PLEKHG3: variants seen among roughly 807,000 people sequenced by gnomAD.
PLEKHG3 encodes the protein pleckstrin homology and RhoGEF domain containing G3, also known as pleckstrin homology domain-containing family G member 3.
A neutral mutation model predicts 94.9 loss-of-function variants in PLEKHG3; 62 were observed. That is an observed-to-expected ratio of 0.65 (90% CI 0.53 to 0.81). The LOEUF (loss-of-function observed/expected upper bound fraction) is 0.81, where lower values mean the gene tolerates loss of function less well. PLEKHG3 is among the 30% of genes least tolerant of loss of function. PLEKHG3 has a pLI of 0.00. For synonymous variants in PLEKHG3, 614 were observed against 654.0 expected, an observed-to-expected ratio of 0.94 and a Z score of 0.93; for missense variants, 1,461 against 1,619.3, an observed-to-expected ratio of 0.90 and a Z score of 1.68.
intron 1 of PLEKHG3, among the ~76,000 whole-genome samples, chr14:64,713,278 G>C (rs12892852): frequency 0.069 from 10,451 of 152,176 alleles, 397 homozygotes; most frequent in Non-Finnish European, 0.085. Context: ...TATCTTGTCT[G>C]GTCCTGATGG....
chr14:64,722,569 G>C lies in PLEKHG3; in HGVS notation c.-39-5024G>C, dbSNP rs981627900. Among the ~76,000 whole-genome samples, 6 of 152,146 alleles carry C rather than the reference G, an allele frequency of 3.9e-5. No individual in the cohort carries two copies. The highest frequency in any genetic ancestry group is 1.4e-4 in the African/African-American group (6 of 41,420). On this transcript the variant is annotated intron_variant, in intron 1 of 16. Coordinates refer to ENST00000247226, the MANE Select transcript of PLEKHG3 (RefSeq NM_001308147.2). The surrounding 1 kb of genome is among the most constrained non-coding windows in gnomAD (Gnocchi z 4.3). ...TGCCGTGTGGATTCCTCCCCAGCTGGGGCCTTTGGAGCAGCTGCCCCATGG... is the reference window on the plus strand; with the variant it reads ...TGCCGTGTGGATTCCTCCCCAGCTGCGGCCTTTGGAGCAGCTGCCCCATGG...
chr14:64,749,441 GC>G lies in PLEKHG3; in HGVS notation c.*5739del. 6.2e-7 allele frequency: 1 copy of G among 1,603,224 alleles called. No individual in the cohort carries two copies. Among genetic ancestry groups the G allele is most frequent in the South Asian group, 1.1e-5 (1 of 90,994 alleles). On this transcript the variant is annotated 3_prime_UTR_variant, in exon 17 of 17. Transcript: ENST00000247226. This position sits in a 1 kb window ranked among gnomAD's most constrained non-coding sequence, Gnocchi z 4.7. ...TGCTCTGGGACTCGTTGATGGCGGT[GC>G]TCACGCCCTGCAGCCAGGACAGCAT...
In PLEKHG3 at chr14:64,716,496, A is replaced by ACCACACAC. The variant is rs1555359440; in HGVS notation, c.-39-11097_-39-11096insCCACACAC. On this transcript the variant is annotated intron_variant, in intron 1 of 16. Transcript: ENST00000247226. The surrounding 1 kb of genome is among the most constrained non-coding windows in gnomAD (Gnocchi z 5.0). ...ACACACACACAACACACACACACAC[A>ACCACACAC]ACACACACACACACACACACACACA... Among the ~76,000 whole-genome samples, 3 of 79,500 alleles carry ACCACACAC rather than the reference A, an allele frequency of 3.8e-5. No individual in the cohort carries two copies. Among genetic ancestry groups the ACCACACAC allele is most frequent in the Admixed American group, 1.3e-4 (1 of 7,780 alleles). 52.2% of individuals were successfully genotyped at this position (79,500 alleles called of 152,430 possible).
chr14:64,744,311 T>G lies in PLEKHG3; in HGVS notation c.*608T>G, dbSNP rs1387871612. 6.5e-6 allele frequency: 1 copy of G among 152,714 alleles called. No homozygotes were observed. Among genetic ancestry groups the G allele is most frequent in the African/African-American group, 2.4e-5 (1 of 41,446 alleles). 9.5% of individuals were successfully genotyped at this position (152,714 alleles called of 1,614,324 possible). A position where few individuals can be genotyped will look rare whatever the true frequency, so the allele number is the denominator to read the frequency against. On this transcript the variant is annotated 3_prime_UTR_variant, in exon 17 of 17. Transcript: ENST00000247226. ...GCTGATGTACACACATTTCATTATTTGCCAATGGTGCAATAACCACTGCTG... is the reference window on the plus strand; with the variant it reads ...GCTGATGTACACACATTTCATTATTGGCCAATGGTGCAATAACCACTGCTG...
chr14:64,736,638 G>A (rs1021442860), intron 12 of PLEKHG3, among the ~76,000 whole-genome samples: 3 of 152,202 alleles, frequency 2.0e-5, no homozygotes, highest in Non-Finnish European at 4.4e-5. Flanking sequence ...CACAGCGGGG[G>A]TCCTGGAGAT....
intron 1 of PLEKHG3, among the ~76,000 whole-genome samples, chr14:64,708,675 A>G (rs992251549): frequency 1.3e-5 from 2 of 152,058 alleles, no homozygotes; most frequent in African/African-American, 4.8e-5. Flanking sequence ...CGGGCCTACA[A>G]AGGGAGGGGT....
chr14:64,736,822 G>A (rs751530670), intron 12 of PLEKHG3, 31 bp from the exon 13 acceptor site: 33 of 1,589,466 alleles, frequency 2.1e-5, no homozygotes, highest in South Asian at 5.5e-5. Context: ...TTCCTGGCCC[G>A]CGCTGACTCT....
rs371986747 is a variant in PLEKHG3 at position 64,738,752 on chromosome 14, G to A, written c.1415G>A (p.Arg472His). 40 of 1,584,496 alleles carry A rather than the reference G, an allele frequency of 2.5e-5. No individual in the cohort carries two copies. The highest frequency in any genetic ancestry group is 9.4e-5 in the African/African-American group (7 of 74,226). The change falls in exon 15 of 17, where the codon CGC becomes CAC. Residue 472 changes from arginine to histidine, a missense_variant. Arg to His is a conservative substitution (Grantham distance 29). Transcript: ENST00000247226. The surrounding 1 kb of genome is among the most constrained non-coding windows in gnomAD (Gnocchi z 4.8). ...ARAAGMKGKGRRESESSRSSR... is the reference protein window; with the variant it reads ...ARAAGMKGKGHRESESSRSSR... Reference sequence around the variant, plus strand: ...CCTCTACCTCTGCAGGGAAAGGGGCGCAGGGAGTCTGAAAGCTCCAGGAGC... The same window carrying A: ...CCTCTACCTCTGCAGGGAAAGGGGCACAGGGAGTCTGAAAGCTCCAGGAGC...
intron 1 of PLEKHG3, among the ~76,000 whole-genome samples, chr14:64,714,981 A>C (rs773334601): frequency 1.3e-5 from 2 of 152,194 alleles, no homozygotes; most frequent in African/African-American, 2.4e-5. Flanking sequence ...TAGAACACTC[A>C]GAGAAAACAG....
intron 1 of PLEKHG3, among the ~76,000 whole-genome samples, chr14:64,711,831 G>A (rs546235055): frequency 2.0e-5 from 3 of 152,300 alleles, no homozygotes; most frequent in Admixed American, 2.0e-4. Flanking sequence ...AAACACAAAA[G>A]TTTAAAATTT....
chr14:64,749,612 C>T lies in PLEKHG3; in HGVS notation c.*5909C>T, dbSNP rs1270233957. 1.2e-6 allele frequency: 2 copies of T among 1,612,458 alleles called. No individual in the cohort carries two copies. Among genetic ancestry groups the T allele is most frequent in the Middle Eastern group, 1.7e-4 (1 of 6,060 alleles). ...CAAGCGGCCTGGGGTCCTCCACCTA[C>T]CCCCTTCTTAGCCAGGTCTGGGCTA... On this transcript the variant is annotated 3_prime_UTR_variant, in exon 17 of 17. Transcript: ENST00000247226. This position sits in a 1 kb window ranked among gnomAD's most constrained non-coding sequence, Gnocchi z 4.7.
chr14:64,720,191 T>C lies in PLEKHG3; in HGVS notation c.-39-7402T>C, dbSNP rs1400596748. The stretch of plus-strand genomic sequence containing the variant: ...GATCATCACAGCCCCTTTTCTAAAC[T>C]TGGCTACTTTCCCCTTCCTCCCAGT... On this transcript the variant is annotated intron_variant, in intron 1 of 16. Coordinates refer to ENST00000247226, the MANE Select transcript of PLEKHG3 (RefSeq NM_001308147.2). The surrounding 1 kb of genome is among the most constrained non-coding windows in gnomAD (Gnocchi z 4.1). Among the ~76,000 whole-genome samples the C allele has an allele frequency of 6.6e-6, 1 of 152,250 alleles. No homozygotes were observed. The highest frequency in any genetic ancestry group is 2.4e-5 in the African/African-American group (1 of 41,458).
At position 64,732,035 on chromosome 14, in the gene PLEKHG3, C is replaced by T. The variant is rs2081477171; in HGVS notation, c.1126-60C>T. On this transcript the variant is annotated intron_variant, in intron 9 of 16. Coordinates refer to ENST00000247226, the MANE Select transcript of PLEKHG3 (RefSeq NM_001308147.2). The surrounding 1 kb of genome is among the most constrained non-coding windows in gnomAD (Gnocchi z 4.9). ...TCCCTGGGTGGAAGCACTGTCCATG[C>T]TAGACAGCTTCAGGCCTGTAATGAT... The T allele has an allele frequency of 2.4e-6, 3 of 1,276,390 alleles. No individual in the cohort carries two copies. Among genetic ancestry groups the T allele is most frequent in the Non-Finnish European group, 1.1e-6 (1 of 872,390 alleles). The allele number at this position is 1,276,390 out of a possible 1,614,324, so 79.1% of individuals were successfully genotyped here.
chr14:64,705,688 A>G (rs1235486666), intron 1 of PLEKHG3, among the ~76,000 whole-genome samples: 1 of 152,148 alleles, frequency 6.6e-6, no homozygotes, highest in Non-Finnish European at 1.5e-5. Context: ...AGGGAGGGCA[A>G]TGACAGTCCG....
At position 64,722,052 on chromosome 14, in the gene PLEKHG3, G is replaced by A. The variant is rs2081270949; in HGVS notation, c.-39-5541G>A. Among the ~76,000 whole-genome samples, 1 of 152,280 alleles carries A rather than the reference G, an allele frequency of 6.6e-6. No individual in the cohort carries two copies. The highest frequency in any genetic ancestry group is 1.9e-4 in the East Asian group (1 of 5,184). On this transcript the variant is annotated intron_variant, in intron 1 of 16. Coordinates refer to ENST00000247226, the MANE Select transcript of PLEKHG3 (RefSeq NM_001308147.2). The surrounding 1 kb of genome is among the most constrained non-coding windows in gnomAD (Gnocchi z 4.3). ...CTGGCACCCTTTTTGAAGGGATTCC[G>A]AAAGTGCCGTCTTGGGGATTGTTTG...
rs1475324492 is a variant in PLEKHG3, at chr14:64,728,654, G to A, written c.352-342G>A. On this transcript the variant is annotated intron_variant, in intron 2 of 16. Coordinates refer to ENST00000247226, the MANE Select transcript of PLEKHG3 (RefSeq NM_001308147.2). This position sits in a 1 kb window ranked among gnomAD's most constrained non-coding sequence, Gnocchi z 5.9. ...TGGCAGTCTTTGACATTGTTGGCCT[G>A]GAGATGCGGCCCAGCACCTTCCCAT... Among the ~76,000 whole-genome samples, 1 of 152,142 alleles carries A rather than the reference G, an allele frequency of 6.6e-6. No homozygotes were observed. The highest frequency in any genetic ancestry group is 1.5e-5 in the Non-Finnish European group (1 of 68,026).
Position 64,715,738 on chromosome 14 carries a change from A to G in PLEKHG3, c.-40+11034A>G, listed in dbSNP as rs1329143234. 3 of 292,290 alleles carry G rather than the reference A, an allele frequency of 1.0e-5. No homozygotes were observed. The highest frequency in any genetic ancestry group is 2.3e-5 in the African/African-American group (1 of 43,296). The allele number at this position is 292,290 out of a possible 1,614,324, so 18.1% of individuals were successfully genotyped here. A position where few individuals can be genotyped will look rare whatever the true frequency, so the allele number is the denominator to read the frequency against. ...GTGCTTAATTGCTGGAGGTTTGTGC[A>G]GGTCCTCAGCCCTGTGGCGCTCACC... On this transcript the variant is annotated intron_variant, in intron 1 of 16. Transcript: ENST00000247226. The surrounding 1 kb of genome is among the most constrained non-coding windows in gnomAD (Gnocchi z 4.4).
intron 1 of PLEKHG3, among the ~76,000 whole-genome samples, chr14:64,719,790 C>A (rs761278660): frequency 9.9e-5 from 15 of 152,076 alleles, no homozygotes; most frequent in Middle Eastern, 3.2e-3. Flanking sequence ...AAACAAGCAG[C>A]CCCTGAAATG....
Position 64,728,016 on chromosome 14 carries a change from A to G in PLEKHG3, c.351+34A>G, listed in dbSNP as rs1411783401. On this transcript the variant is annotated intron_variant, in intron 2 of 16. Transcript: ENST00000247226. The surrounding 1 kb of genome is among the most constrained non-coding windows in gnomAD (Gnocchi z 5.9). ...CGGAGGCCTTGCGGCACAGTATTCT[A>G]GCAGAAGCCTGTTTCACCCTGGGAG... 7 of 1,318,100 alleles carry G rather than the reference A, an allele frequency of 5.3e-6. 1 individual carries two copies. The South Asian group carries it at 9.9e-5, about 19-fold the overall frequency. 81.7% of individuals were successfully genotyped at this position (1,318,100 alleles called of 1,614,324 possible). A position where few individuals can be genotyped will look rare whatever the true frequency, so the allele number is the denominator to read the frequency against.
Sources: allele counts gnomAD v4.1 joint callset (sites outside exome capture counted in the v4.1 genomes callset), GRCh38; gene constraint gnomAD v4.1.1; non-coding constraint Gnocchi (gnomAD v3.1); transcripts MANE v1.5; gene names NCBI Gene and HGNC (gene_info 2026-07-23, HGNC 2026-07-21).